The following BAIAP3 variants were observed in gnomAD, a reference collection of about 807,000 sequenced individuals.
BAIAP3 encodes the protein BAI1 associated protein 3, also known as BAI1-associated protein 3.
BAIAP3 carries 180 observed loss-of-function variants against 149.7 expected under a neutral mutation model. The observed-to-expected ratio is 1.20, with a 90% CI of 1.07 to 1.36. The LOEUF is 1.36. Ranked by LOEUF, BAIAP3 falls within the 40% of genes most tolerant of loss-of-function variation. The pLI, the probability that BAIAP3 is intolerant of heterozygous loss-of-function variation, is 0.00. For missense variants in BAIAP3, 1,767 were observed against 1,563.4 expected, an observed-to-expected ratio of 1.13 and a Z score of -2.20; for synonymous variants, 845 against 670.7, an observed-to-expected ratio of 1.26 and a Z score of -4.02.
chr16:1,338,394 G>A, intron 1 of BAIAP3, 146 bp from the exon 2 acceptor site: 5 of 1,060,636 alleles, frequency 4.7e-6, no homozygotes, highest in Non-Finnish European at 6.6e-6. Flanking sequence ...CGCCTGACCA[G>A]GTGCCCAGCG....
chr16:1,337,614 G>A lies in BAIAP3; in HGVS notation c.-10-926G>A, dbSNP rs568306656. 2.2e-3 allele frequency among the ~76,000 whole-genome samples: 337 copies of A among 152,330 alleles called. 5 individuals carry two copies. The highest frequency in any genetic ancestry group is 7.1e-3 in the African/African-American group (294 of 41,584). On this transcript the variant is annotated intron_variant, in intron 1 of 33. Coordinates refer to ENST00000426824, the MANE Select transcript of BAIAP3 (RefSeq NM_001199097.2). ...TTCCAGGGGGCTTCCGGGTCTGCCT[G>A]GGCCCAGGCTCCGGGCCTTGGCAGA...
intron 1 of BAIAP3, among the ~76,000 whole-genome samples, chr16:1,336,888 G>A (rs938913447): frequency 1.3e-5 from 2 of 152,220 alleles, no homozygotes; most frequent in Non-Finnish European, 2.9e-5. Context: ...GGGAGCACTG[G>A]CAAGGGAAGG....
Position 1,344,503 on chromosome 16 carries a change from A to G in BAIAP3, c.1637A>G (p.Asn546Ser). ...CGTGAGTGGTACGACAGGATCCTGA[A>G]TGACAAGAGTCCCCGAGAGCAGGTG... Reference protein sequence around the residue: ...GNREWYDRILNDKSPREQPGP... With the variant: ...GNREWYDRILSDKSPREQPGP... The change falls in exon 18 of 34, where the codon AAT (asparagine) becomes AGT (serine). Residue 546 changes from asparagine to serine, a missense_variant. Transcript: ENST00000426824. 3 of 1,613,242 alleles carry G rather than the reference A, an allele frequency of 1.9e-6. No homozygotes were observed. Among genetic ancestry groups the G allele is most frequent in the Non-Finnish European group, 2.5e-6 (3 of 1,179,898 alleles).
At chr16:1,346,120 G>A (rs1164719625) in intron 24 of BAIAP3, 42 bp downstream of exon 24, 1 of 1,605,292 alleles carries the variant, frequency 6.2e-7, no homozygotes, top group Non-Finnish European at 8.5e-7. Flanking sequence ...GGAGGTGGGG[G>A]GCCATCACCA....
chr16:1,346,356 T>A lies in BAIAP3; in HGVS notation c.2488T>A (p.Ser830Thr). 1 of 1,609,282 alleles carries A rather than the reference T, an allele frequency of 6.2e-7. No homozygotes were observed. The highest frequency in any genetic ancestry group is 2.2e-5 in the East Asian group (1 of 44,758). ...EAHTVTAHLT[S>T]KMVGDIRKYV... ...CCACACGGTGACAGCGCACCTGACCTCTAAGGTGGGTGGGGCCTGGAGACC... is the reference window on the plus strand; with the variant it reads ...CCACACGGTGACAGCGCACCTGACCACTAAGGTGGGTGGGGCCTGGAGACC... The change falls in exon 25 of 34, where the codon TCT (serine) becomes ACT (threonine). Residue 830 changes from serine to threonine, a missense_variant. Coordinates refer to ENST00000426824, the MANE Select transcript of BAIAP3 (RefSeq NM_001199097.2).
rs746969581 is a variant in BAIAP3, at chr16:1,346,090, G to C, written c.2301+12G>C. 1.2e-6 allele frequency: 2 copies of C among 1,608,484 alleles called. No homozygotes were observed. The highest frequency in any genetic ancestry group is 8.5e-7 in the Non-Finnish European group (1 of 1,178,470). On this transcript the variant is annotated intron_variant, in intron 24 of 33. Coordinates refer to ENST00000426824, the MANE Select transcript of BAIAP3 (RefSeq NM_001199097.2). ...CAGTGAGCGAGGCGGTGAGTGACCAGCTGGGGAGGGGAGCCGGCAGGAGGT... is the reference window on the plus strand; with the variant it reads ...CAGTGAGCGAGGCGGTGAGTGACCACCTGGGGAGGGGAGCCGGCAGGAGGT...
At chr16:1,346,573 G>A in intron 26 of BAIAP3, 32 bp from the exon 27 acceptor site, 1 of 1,567,646 alleles carries the variant, frequency 6.4e-7, no homozygotes, top group Non-Finnish European at 8.6e-7. Context: ...AGAGGTGCGG[G>A]GTAAGCCTGG....
Position 1,342,743 on chromosome 16 carries a change from G to T in BAIAP3, c.1090G>T (p.Gly364Trp), listed in dbSNP as rs150153383. 6.2e-7 allele frequency: 1 copy of T among 1,612,364 alleles called. No individual in the cohort carries two copies. The highest frequency in any genetic ancestry group is 1.3e-5 in the African/African-American group (1 of 74,938). The change falls in exon 13 of 34, where the codon GGG becomes TGG. Residue 364 changes from glycine (G) to tryptophan (W), a missense_variant. Physicochemically the swap from Gly to Trp is radical, Grantham distance 184. Coordinates refer to ENST00000426824, the MANE Select transcript of BAIAP3 (RefSeq NM_001199097.2). The stretch of plus-strand genomic sequence containing the variant: ...GAGGGATACGGCCATGAGCCAGCGC[G>T]GGCGATCCGGCTTCCTGTCCCACCT... Reference protein sequence around the residue: ...TQRDTAMSQRGRSGFLSHLLL... With the variant: ...TQRDTAMSQRWRSGFLSHLLL...
chr16:1,348,747 G>C lies in BAIAP3; in HGVS notation c.*265G>C, dbSNP rs1474792553. 2 of 536,220 alleles carry C rather than the reference G, an allele frequency of 3.7e-6. No homozygotes were observed. Among genetic ancestry groups the C allele is most frequent in the Non-Finnish European group, 6.7e-6 (2 of 300,026 alleles). The allele number at this position is 536,220 out of a possible 1,614,324, so 33.2% of individuals were successfully genotyped here. On this transcript the variant is annotated 3_prime_UTR_variant, in exon 34 of 34. Coordinates refer to ENST00000426824, the MANE Select transcript of BAIAP3 (RefSeq NM_001199097.2). ...GCTGCCCAGGACACAGTGCAGGCCA[G>C]AGCGGGCTTGACCACCTGGTGGGCC...
chr16:1,341,307 A>G lies in BAIAP3; in HGVS notation c.549A>G (p.Pro183=), dbSNP rs945283697. ...LAKDPNGFSD[P]YCMLGILPAS... ...TGCCGTGCCCAGGCTTCAGCGACCC[A>G]TACTGCATGCTGGGCATCCTGCCTG... The change falls in exon 8 of 34, where the codon CCA becomes CCG. Residue 183 remains proline, a synonymous_variant. Coordinates refer to ENST00000426824, the MANE Select transcript of BAIAP3 (RefSeq NM_001199097.2). 6.2e-7 allele frequency: 1 copy of G among 1,610,920 alleles called. No individual in the cohort carries two copies. The highest frequency in any genetic ancestry group is 8.5e-7 in the Non-Finnish European group (1 of 1,178,916).
intron 31 of BAIAP3, 22 bp from the exon 32 acceptor site, chr16:1,347,872 G>T (rs745484663): frequency 1.3e-5 from 21 of 1,609,514 alleles, no homozygotes; most frequent in Non-Finnish European, 1.7e-5. Flanking sequence ...GGGCAGGGGG[G>T]CTCACGACTG....
At chr16:1,339,688 A>C in intron 5 of BAIAP3, 85 bp downstream of exon 5, 2 of 1,064,842 alleles carry the variant, frequency 1.9e-6, no homozygotes, top group Non-Finnish European at 2.8e-6. Context: ...TCATCACCCA[A>C]ACAGTATGCA....
In BAIAP3 at chr16:1,344,704, C is replaced by T. The variant is rs1461240638; in HGVS notation, c.1757+6C>T. On this transcript the variant is annotated splice_donor_region_variant and intron_variant, in intron 19 of 33. Transcript: ENST00000426824. ...TACGCCAGCCTCTTCCACAGGTGGG[C>T]CTGGCCCCTCAGTGCTGTCCTGGGG... 9 of 1,613,242 alleles carry T rather than the reference C, an allele frequency of 5.6e-6. No individual in the cohort carries two copies. Among genetic ancestry groups the T allele is most frequent in the Non-Finnish European group, 6.8e-6 (8 of 1,179,988 alleles).
intron 1 of BAIAP3, among the ~76,000 whole-genome samples, chr16:1,337,136 G>A (rs187350704): frequency 2.6e-5 from 4 of 152,318 alleles, no homozygotes; most frequent in African/African-American, 9.6e-5. Flanking sequence ...CAGAGGAAGA[G>A]GGTCTCAGGA....
chr16:1,338,472 C>A (rs944772781), intron 1 of BAIAP3, 68 bp from the exon 2 acceptor site: 2 of 1,034,892 alleles, frequency 1.9e-6, no homozygotes, highest in Non-Finnish European at 2.5e-6. Flanking sequence ...CCCCACCCCC[C>A]CGCCTGCTGT....
chr16:1,342,355 A>G (rs767403164), intron 11 of BAIAP3, 72 bp downstream of exon 11: 2 of 1,514,296 alleles, frequency 1.3e-6, no homozygotes, highest in Non-Finnish European at 1.8e-6. Flanking sequence ...TTCAAGGGGC[A>G]GGGCACTGCC....
chr16:1,348,026 C>A lies in BAIAP3; in HGVS notation c.3149+9C>A, dbSNP rs1490209638. 2.5e-6 allele frequency: 4 copies of A among 1,606,034 alleles called. No homozygotes were observed. In the African/African-American group the frequency reaches 5.3e-5, roughly 21 times the overall value. ...GACGAACTCTTCTACTTGTGAGTGT[C>A]CTAAGCCCCAGCCCCAGCCCCAGGC... On this transcript the variant is annotated intron_variant, in intron 32 of 33. Transcript: ENST00000426824.
chr16:1,344,387 T>G, intron 17 of BAIAP3, 70 bp downstream of exon 17: 1 of 1,608,520 alleles, frequency 6.2e-7, no homozygotes, highest in Non-Finnish European at 8.5e-7. Flanking sequence ...TCCCGTCCCC[T>G]GCACCTCTGC....
intron 14 of BAIAP3, 181 bp from the exon 15 acceptor site, chr16:1,343,212 G>A: frequency 8.8e-7 from 1 of 1,131,130 alleles, no homozygotes; most frequent in Non-Finnish European, 1.2e-6. Flanking sequence ...GCAGCGAAAG[G>A]GGCGGTGCCA....
Sources: allele counts gnomAD v4.1 joint callset (sites outside exome capture counted in the v4.1 genomes callset), GRCh38; gene constraint gnomAD v4.1.1; transcripts MANE v1.5; gene names NCBI Gene and HGNC (gene_info 2026-07-23, HGNC 2026-07-21).